The following IGSF10 variants were observed in gnomAD, a reference collection of about 807,000 sequenced individuals.
The protein encoded by IGSF10 is calvaria mechanical force protein 608.
A neutral mutation model predicts 128.2 loss-of-function variants in IGSF10; 126 were observed. That is an observed-to-expected ratio of 0.98 (90% CI 0.85 to 1.14). IGSF10 has a LOEUF of 1.14. Among genes scored for constraint, IGSF10 ranks in the 50% most tolerant of loss-of-function variants. The pLI, the probability that IGSF10 is intolerant of heterozygous loss-of-function variation, is 0.00. For synonymous variants in IGSF10, 1,185 were observed against 1,146.2 expected (o/e 1.03, Z -0.68); for missense variants, 3,295 against 3,149.8 (o/e 1.05, Z -1.10).
At chr3:151,600,869 T>C in the IGSF10 span, among the ~76,000 whole-genome samples, 1 of 152,170 alleles carries the variant, frequency 6.6e-6, no homozygotes, top group African/African-American at 2.4e-5. Context: ...AGTTGGACAT[T>C]GTTTCATATG....
chr3:151,485,261 G>C, the IGSF10 span, among the ~76,000 whole-genome samples: 1 of 152,122 alleles, frequency 6.6e-6, no homozygotes, highest in South Asian at 2.1e-4. Flanking sequence ...AAAAAAGAGT[G>C]AAAAGAAATG....
chr3:151,522,117 T>C, the IGSF10 span, among the ~76,000 whole-genome samples: 1 of 152,066 alleles, frequency 6.6e-6, no homozygotes, highest in Non-Finnish European at 1.5e-5. Context: ...GCTACATTTC[T>C]AGATACATAC....
chr3:151,444,791 T>A, intron 6 of IGSF10, 128 bp downstream of exon 6: 1 of 786,524 alleles, frequency 1.3e-6, no homozygotes, highest in Non-Finnish European at 2.0e-6. Flanking sequence ...AATGAGGATA[T>A]TAATAGTTTC....
the IGSF10 span, among the ~76,000 whole-genome samples, chr3:151,515,298 A>G: frequency 1.3e-5 from 2 of 151,872 alleles, no homozygotes; most frequent in Middle Eastern, 3.2e-3. Context: ...ATAAAAAATG[A>G]TGAGTTCATG....
the IGSF10 span, among the ~76,000 whole-genome samples, chr3:151,553,421 A>C: frequency 6.6e-6 from 1 of 152,114 alleles, no homozygotes; most frequent in African/African-American, 2.4e-5. Flanking sequence ...AGTAGCTATT[A>C]AAATTGTCAA....
At chr3:151,536,141 C>T in the IGSF10 span, among the ~76,000 whole-genome samples, 1 of 152,082 alleles carries the variant, frequency 6.6e-6, no homozygotes, top group Admixed American at 6.6e-5. Context: ...TGGTGAAATG[C>T]CATGAAGTCT....
At chr3:151,571,404 G>A in the IGSF10 span, among the ~76,000 whole-genome samples, 6 of 152,038 alleles carry the variant, frequency 3.9e-5, no homozygotes, top group Admixed American at 2.0e-4. Context: ...TTCGTTGAGC[G>A]GTGGTTTGCA....
At chr3:151,454,429 G>T (rs1465570304) in intron 4 of IGSF10, among the ~76,000 whole-genome samples, 3 of 152,134 alleles carry the variant, frequency 2.0e-5, no homozygotes, top group Non-Finnish European at 4.4e-5. Context: ...ATGAAAATTT[G>T]GATTTGTTTC....
Position 151,438,053 on chromosome 3 carries a change from T to G in IGSF10, c.6508A>C (p.Lys2170Gln), listed in dbSNP as rs748059184. The change falls in exon 8 of 8, where the codon AAA becomes CAA. Residue 2170 changes from lysine (K) to glutamine (Q), a missense_variant. Coordinates refer to ENST00000282466, the MANE Select transcript of IGSF10 (RefSeq NM_178822.5). Reference protein sequence around the residue: ...VLDCEVTGDPKPKIFWLLPSN... With the variant: ...VLDCEVTGDPQPKIFWLLPSN... Reference sequence around the variant, plus strand: ...GGCAGCAACCAAAATATTTTTGGTTTGGGATCCCCAGTGACCTCACAGTCA... The same window carrying G: ...GGCAGCAACCAAAATATTTTTGGTTGGGGATCCCCAGTGACCTCACAGTCA... 6.8e-6 allele frequency: 11 copies of G among 1,614,122 alleles called. No individual in the cohort carries two copies. In the African/African-American group the frequency reaches 9.3e-5, roughly 14 times the overall value.
the IGSF10 span, among the ~76,000 whole-genome samples, chr3:151,483,036 G>T: frequency 6.6e-6 from 1 of 151,890 alleles, no homozygotes. Context: ...CACTTTATAA[G>T]AAATGCTTAA....
the IGSF10 span, among the ~76,000 whole-genome samples, chr3:151,584,036 A>G: frequency 6.6e-6 from 1 of 152,210 alleles, no homozygotes; most frequent in African/African-American, 2.4e-5. Flanking sequence ...ATCAGTTATC[A>G]AAGAGTGTCA....
At chr3:151,537,698 C>G in the IGSF10 span, among the ~76,000 whole-genome samples, 1 of 152,154 alleles carries the variant, frequency 6.6e-6, no homozygotes, top group African/African-American at 2.4e-5. Context: ...ACTGTTTCCT[C>G]TTCTAAGTGT....
At chr3:151,466,688 C>T in the IGSF10 span, among the ~76,000 whole-genome samples, 1 of 152,136 alleles carries the variant, frequency 6.6e-6, no homozygotes. Flanking sequence ...AAATGATTCT[C>T]CTGCCTTCGC....
chr3:151,474,049 A>G, the IGSF10 span, among the ~76,000 whole-genome samples: 4 of 152,136 alleles, frequency 2.6e-5, no homozygotes, highest in South Asian at 8.3e-4. Flanking sequence ...AATTGGGGAA[A>G]ATCTTAGATT....
Position 151,438,063 on chromosome 3 carries a change from A to C in IGSF10, c.6498T>G (p.Thr2166=). The part of the protein sequence containing the change: ...GDTAVLDCEV[T]GDPKPKIFWL... ...AAAATATTTTTGGTTTGGGATCCCC[A>C]GTGACCTCACAGTCAAGGACAGCTG... Residue 2166 remains threonine, a synonymous_variant, in exon 8 of 8, where the codon ACT becomes ACG. Transcript: ENST00000282466. 1 of 1,614,224 alleles carries C rather than the reference A, an allele frequency of 6.2e-7. No individual in the cohort carries two copies. The highest frequency in any genetic ancestry group is 8.5e-7 in the Non-Finnish European group (1 of 1,180,030).
the IGSF10 span, among the ~76,000 whole-genome samples, chr3:151,471,191 G>T: frequency 6.6e-6 from 1 of 152,182 alleles, no homozygotes; most frequent in Non-Finnish European, 1.5e-5. Context: ...CTGCCACCAT[G>T]TAAGACGTTA....
chr3:151,459,250 A>G (rs1197744113), intron 2 of IGSF10, among the ~76,000 whole-genome samples: 1 of 152,198 alleles, frequency 6.6e-6, no homozygotes, highest in South Asian at 2.1e-4. Context: ...TTGTGTGTAT[A>G]TGTATAGGTG....
At chr3:151,546,290 C>T in the IGSF10 span, among the ~76,000 whole-genome samples, 11 of 152,230 alleles carry the variant, frequency 7.2e-5, no homozygotes, top group East Asian at 1.9e-3. Flanking sequence ...ACCAAGATAC[C>T]ACCACCATCC....
At chr3:151,527,005 T>C in the IGSF10 span, among the ~76,000 whole-genome samples, 1 of 141,092 alleles carries the variant, frequency 7.1e-6, no homozygotes, top group African/African-American at 3.2e-5. Context: ...CTGAATTTGC[T>C]TTTTGTTGAC....
Sources: allele counts gnomAD v4.1 joint callset (sites outside exome capture counted in the v4.1 genomes callset), GRCh38; gene constraint gnomAD v4.1.1; transcripts MANE v1.5; gene names NCBI Gene and HGNC (gene_info 2026-07-23, HGNC 2026-07-21).